TYW5: variants seen among roughly 807,000 people sequenced by gnomAD.
TYW5 encodes tRNA-yW synthesizing protein 5.
Under a neutral mutation model 44.4 loss-of-function variants are expected in TYW5, and 36 were observed. That is an observed-to-expected ratio of 0.81 (90% CI 0.62 to 1.07). The LOEUF is 1.07. Among genes scored for constraint, TYW5 ranks in the 50% least tolerant of loss-of-function variants. The pLI, the probability that TYW5 is intolerant of heterozygous loss-of-function variation, is 0.00. For synonymous variants in TYW5, 121 were observed against 128.1 expected (o/e 0.94, Z 0.37); for missense variants, 354 against 365.7 (o/e 0.97, Z 0.26).
chr2:199,939,211 TC>T, intron 4 of TYW5, 141 bp from the exon 5 acceptor site: 51 of 578,022 alleles, frequency 8.8e-5, no homozygotes, highest in Non-Finnish European at 1.2e-4. Context: ...TCTCTATCTT[TC>T]TCTCTCTCTC....
intron 5 of TYW5, among the ~76,000 whole-genome samples, chr2:199,937,587 T>C (rs1181682153): frequency 6.6e-6 from 1 of 152,048 alleles, no homozygotes; most frequent in Non-Finnish European, 1.5e-5. Flanking sequence ...GAGAATCACT[T>C]GAATCTGGGA....
chr2:199,943,735 C>G (rs746075218), intron 3 of TYW5, 30 bp downstream of exon 3: 30 of 1,549,266 alleles, frequency 1.9e-5, no homozygotes, highest in Admixed American at 1.8e-5. Flanking sequence ...GATATTAATG[C>G]CTTCTTTTAA....
intron 5 of TYW5, among the ~76,000 whole-genome samples, chr2:199,936,857 A>C (rs1265333820): frequency 6.6e-6 from 1 of 152,238 alleles, no homozygotes; most frequent in Non-Finnish European, 1.5e-5. Flanking sequence ...ACAGAGTAAA[A>C]GCACTTAGAA....
rs1305067405 is a variant in TYW5, at chr2:199,930,651, G to A, written c.*2416C>T. On this transcript the variant is annotated 3_prime_UTR_variant, in exon 8 of 8. Coordinates refer to ENST00000354611, the MANE Select transcript of TYW5 (RefSeq NM_001039693.3). ...TTGTCTGTGTAGCAAGCAGTGCAGT[G>A]AGAAATTTTGTTGGCAGAGGAAAAA... is the stretch of plus-strand genomic sequence containing the variant. 2 of 152,150 alleles carry A rather than the reference G, an allele frequency of 1.3e-5. No individual in the cohort carries two copies. The highest frequency in any genetic ancestry group is 4.8e-5 in the African/African-American group (2 of 41,410). The allele number at this position is 152,150 out of a possible 1,614,324, so 9.4% of individuals were successfully genotyped here.
chr2:199,948,067 G>T, intron 2 of TYW5: 1 of 354,986 alleles, frequency 2.8e-6, no homozygotes, highest in South Asian at 2.9e-5. Flanking sequence ...ACTCCAGCCT[G>T]GGTGGCGCAG....
chr2:199,936,607 T>C, intron 5 of TYW5, 115 bp from the exon 6 acceptor site: 5 of 790,940 alleles, frequency 6.3e-6, no homozygotes, highest in East Asian at 2.5e-5. Context: ...TTGACTTACT[T>C]AAGACTCTTA....
chr2:199,934,146 G>C (rs955133191), intron 7 of TYW5, among the ~76,000 whole-genome samples: 1 of 151,996 alleles, frequency 6.6e-6, no homozygotes, highest in Non-Finnish European at 1.5e-5. Context: ...TTCTAAGAGT[G>C]TTTAAGGAAA....
chr2:199,955,132 C>A (rs1162847800), intron 1 of TYW5, among the ~76,000 whole-genome samples: 1 of 152,166 alleles, frequency 6.6e-6, no homozygotes, highest in Non-Finnish European at 1.5e-5. Flanking sequence ...AGAGTTTAGG[C>A]AAAATACCTC....
In TYW5 at chr2:199,932,795, A is replaced by C; in HGVS notation, c.*272T>G. On this transcript the variant is annotated 3_prime_UTR_variant, in exon 8 of 8. Transcript: ENST00000354611. ...AAACACTGCAGCACATTCTGTCAATAGATTTCATGTATTGTGAATCAATAT... is the reference window on the plus strand; with the variant it reads ...AAACACTGCAGCACATTCTGTCAATCGATTTCATGTATTGTGAATCAATAT... The C allele has an allele frequency of 2.6e-6, 1 of 391,090 alleles. No homozygotes were observed. The highest frequency in any genetic ancestry group is 4.3e-5 in the Admixed American group (1 of 23,222). 24.2% of individuals were successfully genotyped at this position (391,090 alleles called of 1,614,324 possible).
At chr2:199,938,878 A>C (rs2077441871) in intron 5 of TYW5, 55 bp downstream of exon 5, 1 of 1,513,160 alleles carries the variant, frequency 6.6e-7, no homozygotes, top group Non-Finnish European at 8.9e-7. Flanking sequence ...TGACTGTTAA[A>C]TCTATAATGC....
chr2:199,950,742 G>T (rs1180846057), intron 1 of TYW5, among the ~76,000 whole-genome samples: 4 of 152,176 alleles, frequency 2.6e-5, no homozygotes, highest in Non-Finnish European at 5.9e-5. Flanking sequence ...GAGCTGCCAG[G>T]AGAGACTCTG....
intron 4 of TYW5, 48 bp downstream of exon 4, chr2:199,940,041 T>C: frequency 6.5e-7 from 1 of 1,547,560 alleles, no homozygotes; most frequent in Non-Finnish European, 8.9e-7. Context: ...TTAACATACA[T>C]ACATCCATTT....
intron 1 of TYW5, 127 bp downstream of exon 1, chr2:199,955,266 G>A (rs1395502560): frequency 8.4e-6 from 9 of 1,071,584 alleles, no homozygotes; most frequent in Non-Finnish European, 1.2e-5. Context: ...GCCAACCAGT[G>A]ATCTGCTGCC....
intron 3 of TYW5, among the ~76,000 whole-genome samples, chr2:199,941,223 T>C (rs1173014215): frequency 1.3e-5 from 2 of 152,122 alleles, no homozygotes; most frequent in Non-Finnish European, 2.9e-5. Context: ...TTACTATTTG[T>C]AGAGAAGGAG....
In TYW5 at chr2:199,932,832, GTTT is replaced by G. The variant is rs1213546829; in HGVS notation, c.*232_*234del. The G allele has an allele frequency of 2.0e-6, 1 of 498,122 alleles. No homozygotes were observed. Among genetic ancestry groups the G allele is most frequent in the Non-Finnish European group, 3.5e-6 (1 of 285,620 alleles). 30.9% of individuals were successfully genotyped at this position (498,122 alleles called of 1,614,324 possible). ...TTGTGAATCAATATATTTTCTTACT[GTTT>G]TTAAGTCATTTTAAGTTGGACTTTT... On this transcript the variant is annotated 3_prime_UTR_variant, in exon 8 of 8. Transcript: ENST00000354611.
rs557587877 is a variant in TYW5 at position 199,929,687 on chromosome 2, ATTAAG to A, written c.*3375_*3379del. On this transcript the variant is annotated 3_prime_UTR_variant, in exon 8 of 8. Coordinates refer to ENST00000354611, the MANE Select transcript of TYW5 (RefSeq NM_001039693.3). Reference sequence around the variant, plus strand: ...CTGTTCAAAAGGATGAAGGATACAAATTAAGTTTTGTTGACTTTGTTTCCTTTGTT... The same window carrying A: ...CTGTTCAAAAGGATGAAGGATACAAATTTTGTTGACTTTGTTTCCTTTGTT... 1.6e-4 allele frequency among the ~76,000 whole-genome samples: 24 copies of A among 152,252 alleles called. No individual in the cohort carries two copies. In the East Asian group the frequency reaches 3.9e-3, roughly 24 times the overall value.
In TYW5 at chr2:199,955,441, C is replaced by A; in HGVS notation, c.30G>T (p.Arg10=). MAGQHLPVP[R]LEGVSREQFM... is the part of the protein sequence containing the mutation. ...ACTGCTCCCGAGAAACGCCCTCCAGCCGGGGTACCGGGAGGTGCTGCCCGG... is the reference window on the plus strand; with the variant it reads ...ACTGCTCCCGAGAAACGCCCTCCAGACGGGGTACCGGGAGGTGCTGCCCGG... Residue 10 remains arginine (R), a synonymous_variant, in exon 1 of 8, where the codon CGG becomes CGT. Transcript: ENST00000354611. The A allele has an allele frequency of 1.2e-6, 2 of 1,613,920 alleles. No homozygotes were observed. Among genetic ancestry groups the A allele is most frequent in the Non-Finnish European group, 1.7e-6 (2 of 1,179,980 alleles).
intron 7 of TYW5, 116 bp from the exon 8 acceptor site, chr2:199,933,439 C>T: frequency 4.5e-6 from 4 of 889,804 alleles, no homozygotes; most frequent in Non-Finnish European, 6.7e-6. Flanking sequence ...ATTCTTGTAA[C>T]CAGATCCCTT....
At chr2:199,943,641 C>T in intron 3 of TYW5, 124 bp downstream of exon 3, 2 of 768,834 alleles carry the variant, frequency 2.6e-6, no homozygotes, top group Non-Finnish European at 4.2e-6. Flanking sequence ...GTGCATCCAA[C>T]CAAATCTTAC....
Sources: allele counts gnomAD v4.1 joint callset (sites outside exome capture counted in the v4.1 genomes callset), GRCh38; gene constraint gnomAD v4.1.1; transcripts MANE v1.5; gene names NCBI Gene and HGNC (gene_info 2026-07-23, HGNC 2026-07-21).